PDE10A: variants seen among roughly 807,000 people sequenced by gnomAD.
PDE10A encodes phosphodiesterase 10A.
A neutral mutation model predicts 97.7 loss-of-function variants in PDE10A; 39 were observed. That is an observed-to-expected ratio of 0.40 (90% CI 0.31 to 0.52). The LOEUF is 0.52. Ranked by LOEUF, PDE10A falls within the 20% of genes least tolerant of loss-of-function variation. The pLI is 0.56. For synonymous variants in PDE10A, 371 were observed against 376.8 expected, an observed-to-expected ratio of 0.98 and a Z score of 0.18; for missense variants, 731 against 1,047.8, an observed-to-expected ratio of 0.70 and a Z score of 4.17.
intron 2 of PDE10A, among the ~76,000 whole-genome samples, chr6:165,515,191 A>G (rs1781721651): frequency 6.6e-6 from 1 of 152,172 alleles, no homozygotes; most frequent in Non-Finnish European, 1.5e-5. Flanking sequence ...AGCCCATGAC[A>G]TTTGTACTTT....
intron 13 of PDE10A, among the ~76,000 whole-genome samples, chr6:165,401,931 C>T (rs1331725948): frequency 6.6e-6 from 1 of 152,154 alleles, no homozygotes; most frequent in African/African-American, 2.4e-5. Context: ...AGCGTAGATT[C>T]TGCTAGGAAA....
intron 1 of PDE10A, among the ~76,000 whole-genome samples, chr6:165,638,639 T>C (rs528973420): frequency 2.6e-5 from 4 of 152,288 alleles, no homozygotes; most frequent in African/African-American, 9.6e-5. Context: ...AAAAAGGATA[T>C]ACTATGAAAT....
intron 7 of PDE10A, among the ~76,000 whole-genome samples, chr6:165,432,136 C>G (rs1209162866): frequency 6.6e-6 from 1 of 152,094 alleles, no homozygotes; most frequent in Non-Finnish European, 1.5e-5. Flanking sequence ...AATGGAGTGG[C>G]CTTCAGTGTA....
At chr6:165,679,467 C>A (rs1450021214) in intron 1 of PDE10A, among the ~76,000 whole-genome samples, 1 of 152,172 alleles carries the variant, frequency 6.6e-6, no homozygotes, top group Admixed American at 6.5e-5. Context: ...GGATTCTCAC[C>A]GGCCGCTACC....
At chr6:165,398,383 A>G (rs1234619605) in intron 13 of PDE10A, among the ~76,000 whole-genome samples, 2 of 151,996 alleles carry the variant, frequency 1.3e-5, no homozygotes, top group Non-Finnish European at 2.9e-5. Context: ...GGGGAGGCTG[A>G]GGCATGAGAA....
chr6:165,804,227 G>C (rs367712903), intron 1 of PDE10A, among the ~76,000 whole-genome samples: 88 of 152,168 alleles, frequency 5.8e-4, no homozygotes, highest in Non-Finnish European at 1.1e-3. Flanking sequence ...AGATTGATAG[G>C]GAAGATTCAA....
At chr6:165,383,059 AGAG>A (rs1785036506) in intron 17 of PDE10A, among the ~76,000 whole-genome samples, 1 of 152,186 alleles carries the variant, frequency 6.6e-6, no homozygotes, top group Non-Finnish European at 1.5e-5. Context: ...GCTTCTATAA[AGAG>A]TAGTAAGAAG....
chr6:165,609,255 A>C (rs1320067446), intron 1 of PDE10A, among the ~76,000 whole-genome samples: 2 of 152,236 alleles, frequency 1.3e-5, no homozygotes, highest in African/African-American at 4.8e-5. Context: ...CAAAGACAAA[A>C]ACTACATGAT....
rs546263165 is a variant in PDE10A, at chr6:165,435,338, T to C, written c.1234A>G (p.Lys412Glu). The stretch of plus-strand genomic sequence containing the variant: ...GGCCCAGCAGGGATGAGGCGGGGTT[T>C]TCCTTCCTTTATCCCAGGTGGCGTG... ...IFTPPGIKEG[K>E]PRLIPAGPIT... is the part of the protein sequence containing the mutation. The change falls in exon 6 of 22, where the codon AAA becomes GAA. Residue 412 changes from lysine (K) to glutamate (E), a missense_variant. Around this residue, in one of 8 missense-constraint regions of PDE10A, gnomAD observed 152 missense variants for 199.3 expected, o/e 0.76. Coordinates refer to ENST00000539869, the MANE Select transcript of PDE10A (RefSeq NM_001385079.1). 6.2e-7 allele frequency: 1 copy of C among 1,614,112 alleles called. No individual in the cohort carries two copies. The highest frequency in any genetic ancestry group is 2.2e-5 in the East Asian group (1 of 44,870).
At chr6:165,349,433 A>G (rs1782546760) in intron 18 of PDE10A, among the ~76,000 whole-genome samples, 1 of 152,174 alleles carries the variant, frequency 6.6e-6, no homozygotes, top group South Asian at 2.1e-4. Flanking sequence ...TGAACTTGAG[A>G]GAGATGATTG....
At chr6:165,392,964 C>T (rs1473090669) in intron 15 of PDE10A, among the ~76,000 whole-genome samples, 168 bp from the exon 16 acceptor site, 1 of 152,176 alleles carries the variant, frequency 6.6e-6, no homozygotes, top group Non-Finnish European at 1.5e-5. Context: ...CACCAGTTCC[C>T]TTCCAGTTCT....
chr6:165,814,462 T>C (rs1421485450), intron 1 of PDE10A, among the ~76,000 whole-genome samples: 3 of 152,210 alleles, frequency 2.0e-5, no homozygotes, highest in African/African-American at 7.2e-5. Flanking sequence ...GGTATTTTTT[T>C]TTTCTTTCTT....
At chr6:165,683,807 A>C (rs1489014739) in intron 1 of PDE10A, among the ~76,000 whole-genome samples, 1 of 151,978 alleles carries the variant, frequency 6.6e-6, no homozygotes, top group African/African-American at 2.4e-5. Flanking sequence ...GTCACTCATC[A>C]AGCTTTTCAT....
At chr6:165,497,431 A>G (rs1019541879) in intron 2 of PDE10A, among the ~76,000 whole-genome samples, 3 of 152,208 alleles carry the variant, frequency 2.0e-5, no homozygotes, top group African/African-American at 7.2e-5. Flanking sequence ...TATTTTATAG[A>G]GATGAGAAAT....
intron 13 of PDE10A, among the ~76,000 whole-genome samples, chr6:165,408,880 A>G (rs1195202621): frequency 6.6e-6 from 1 of 152,138 alleles, no homozygotes; most frequent in Non-Finnish European, 1.5e-5. Flanking sequence ...CAGTTAAAAA[A>G]TGGGGCAGGG....
At chr6:165,624,679 A>G (rs1788299506) in intron 1 of PDE10A, among the ~76,000 whole-genome samples, 1 of 152,258 alleles carries the variant, frequency 6.6e-6, no homozygotes, top group South Asian at 2.1e-4. Context: ...TTCACTGAGC[A>G]GCAGCTCTGT....
At chr6:165,556,262 G>T (rs1477342328) in intron 1 of PDE10A, among the ~76,000 whole-genome samples, 1 of 152,164 alleles carries the variant, frequency 6.6e-6, no homozygotes, top group Non-Finnish European at 1.5e-5. Context: ...AGTGCTGGCG[G>T]TTAAGACCAG....
intron 1 of PDE10A, among the ~76,000 whole-genome samples, chr6:165,658,543 G>A (rs1032992486): frequency 2.0e-5 from 3 of 152,286 alleles, no homozygotes; most frequent in Middle Eastern, 3.4e-3. Context: ...ATCCACAGGC[G>A]TGCCTCAGAG....
At chr6:165,547,070 T>C (rs537647784) in intron 1 of PDE10A, among the ~76,000 whole-genome samples, 1 of 152,138 alleles carries the variant, frequency 6.6e-6, no homozygotes, top group Non-Finnish European at 1.5e-5. Flanking sequence ...GAGTAGCTGA[T>C]GATTTAAAAT....
Sources: gnomAD v4.1 joint callset for allele counts (sites outside exome capture counted in the v4.1 genomes callset) on GRCh38, gnomAD v4.1.1 for gene constraint, gnomAD v4.1.1 regional missense constraint, MANE v1.5 for transcripts, NCBI Gene and HGNC (gene_info 2026-07-23, HGNC 2026-07-21) for gene names.